Variants in RINT1 observed in about 807,000 individuals in gnomAD.
RINT1 encodes RAD50 interactor 1.
RINT1 carries 75 observed loss-of-function variants against 97.7 expected under a neutral mutation model. The observed-to-expected ratio is 0.77, with a 90% CI of 0.64 to 0.93. The LOEUF is 0.93. Ranked by LOEUF, RINT1 falls within the 40% of genes least tolerant of loss-of-function variation. The pLI, the probability that RINT1 is intolerant of heterozygous loss-of-function variation, is 0.00. For missense variants in RINT1, 892 were observed against 925.2 expected, an observed-to-expected ratio of 0.96 and a Z score of 0.47; for synonymous variants, 303 against 326.3, an observed-to-expected ratio of 0.93 and a Z score of 0.77.
chr7:105,537,865 G>GT lies in RINT1; in HGVS notation c.273+1125dup, dbSNP rs201034501. Among the ~76,000 whole-genome samples the GT allele has an allele frequency of 8.9e-3, 1,338 of 150,892 alleles. 18 individuals carry two copies. The highest frequency in any genetic ancestry group is 0.031 in the African/African-American group (1,263 of 41,138). ...AATATATATTTCTATGTATTTATAG[G>GT]TTTTTTTTTCTTTTACAATGAACAT... On this transcript the variant is annotated intron_variant, in intron 3 of 14. Transcript: ENST00000257700.
Position 105,565,619 on chromosome 7 carries a change from T to C in RINT1, c.2157T>C (p.Tyr719=), listed in dbSNP as rs1791689316. ...TRNLFPLFSH[Y]CKRPENYFKH... is the part of the protein sequence containing the mutation. ...ATCTTTTCCCTTTGTTTTCTCACTA[T>C]TGCAAGAGACCAGAAAATTATTTTA... is the stretch of plus-strand genomic sequence containing the variant. Residue 719 remains tyrosine, a synonymous_variant, in exon 14 of 15, where the codon TAT becomes TAC. Coordinates refer to ENST00000257700, the MANE Select transcript of RINT1 (RefSeq NM_021930.6). 6.2e-7 allele frequency: 1 copy of C among 1,611,894 alleles called. No individual in the cohort carries two copies. Among genetic ancestry groups the C allele is most frequent in the Middle Eastern group, 1.7e-4 (1 of 5,860 alleles).
At chr7:105,535,478 T>A (rs570638281) in intron 2 of RINT1, 2 of 416,644 alleles carry the variant, frequency 4.8e-6, no homozygotes, top group South Asian at 3.6e-5. Flanking sequence ...TCTGCCTGCC[T>A]CAACCTCCCA....
intron 9 of RINT1, 82 bp downstream of exon 9, chr7:105,550,568 C>A: frequency 9.8e-7 from 1 of 1,023,648 alleles, no homozygotes; most frequent in Non-Finnish European, 1.5e-6. Context: ...TTCTCCAGTT[C>A]TAAATAGGAA....
At chr7:105,547,420 C>G (rs1028073156) in intron 6 of RINT1, 87 bp downstream of exon 6, 2 of 1,306,064 alleles carry the variant, frequency 1.5e-6, no homozygotes, top group African/African-American at 3.0e-5. Context: ...TTCAAAGTGG[C>G]CAAGAAAGCC....
chr7:105,544,160 T>A (rs1044852253), intron 4 of RINT1, among the ~76,000 whole-genome samples: 1 of 151,992 alleles, frequency 6.6e-6, no homozygotes, highest in Non-Finnish European at 1.5e-5. Context: ...GTTTTACATA[T>A]AAAGTGGTTT....
intron 2 of RINT1, chr7:105,535,553 T>G: frequency 2.2e-6 from 1 of 454,420 alleles, no homozygotes; most frequent in Non-Finnish European, 4.4e-6. Context: ...TTTTGTTTGT[T>G]TGTTTGTTTG....
intron 9 of RINT1, 50 bp downstream of exon 9, chr7:105,550,536 G>A (rs2133403207): frequency 7.5e-7 from 1 of 1,338,556 alleles, no homozygotes; most frequent in Non-Finnish European, 1.1e-6. Context: ...GTTTCTGTGG[G>A]TATACATTTT....
intron 3 of RINT1, among the ~76,000 whole-genome samples, chr7:105,538,929 T>C (rs1257872357): frequency 2.0e-5 from 3 of 152,300 alleles, no homozygotes; most frequent in Admixed American, 2.0e-4. Flanking sequence ...CCCTTCAGCA[T>C]GTGCACATAG....
At chr7:105,566,278 G>A (rs1388465927) in intron 14 of RINT1, 1 of 151,754 alleles carries the variant, frequency 6.6e-6, no homozygotes, top group Non-Finnish European at 1.5e-5. Flanking sequence ...ATACCTAATA[G>A]GCCAGGCCTG....
intron 10 of RINT1, among the ~76,000 whole-genome samples, chr7:105,552,961 C>T (rs528225418): frequency 7.9e-5 from 12 of 151,670 alleles, no homozygotes; most frequent in African/African-American, 1.5e-4. Context: ...CATGAGCCAC[C>T]GTGCCCAGTC....
chr7:105,538,100 C>G (rs1790318123), intron 3 of RINT1, among the ~76,000 whole-genome samples: 1 of 151,760 alleles, frequency 6.6e-6, no homozygotes, highest in Admixed American at 6.6e-5. Context: ...TCAAGTGATT[C>G]TCCTGCCTCA....
In RINT1 at chr7:105,550,095, A is replaced by T; in HGVS notation, c.1037A>T (p.Asn346Ile). Residue 346 changes from asparagine (N) to isoleucine (I), a missense_variant, in exon 8 of 15, where the codon AAC becomes ATC. Coordinates refer to ENST00000257700, the MANE Select transcript of RINT1 (RefSeq NM_021930.6). Reference sequence around the variant, plus strand: ...GCTCAAGTACTTATGTGGATTGGAAACCATACTGAATTTCTGGATGAGAAG... The same window carrying T: ...GCTCAAGTACTTATGTGGATTGGAATCCATACTGAATTTCTGGATGAGAAG... The part of the protein sequence containing the change: ...YLAQVLMWIG[N>I]HTEFLDEKIQ... 6.2e-7 allele frequency: 1 copy of T among 1,613,832 alleles called. No homozygotes were observed.
At chr7:105,564,293 G>A (rs1223675663) in intron 12 of RINT1, among the ~76,000 whole-genome samples, 2 of 152,146 alleles carry the variant, frequency 1.3e-5, no homozygotes, top group East Asian at 1.9e-4. Flanking sequence ...TCACATTTTG[G>A]GCAGGCTGAT....
At position 105,565,444 on chromosome 7, in the gene RINT1, A is replaced by C; in HGVS notation, c.2054A>C (p.Tyr685Ser). ...ATGCTTGTAGAGAAGCTGGATGTAT[A>C]CATCTACCAAGAAGTAAGTAAGAAT... The part of the protein sequence containing the change: ...WQMLVEKLDV[Y>S]IYQEIILANH... Residue 685 changes from tyrosine to serine, a missense_variant, in exon 13 of 15, where the codon TAC (tyrosine) becomes TCC (serine). Transcript: ENST00000257700. 1 of 1,614,086 alleles carries C rather than the reference A, an allele frequency of 6.2e-7. No individual in the cohort carries two copies. Among genetic ancestry groups the C allele is most frequent in the Non-Finnish European group, 8.5e-7 (1 of 1,179,938 alleles).
chr7:105,543,332 TG>T (rs1230145870), intron 4 of RINT1, among the ~76,000 whole-genome samples: 1 of 152,222 alleles, frequency 6.6e-6, no homozygotes, highest in Non-Finnish European at 1.5e-5. Flanking sequence ...GGATTGCTTT[TG>T]TATAATTTGA....
At chr7:105,537,548 G>A (rs963340461) in intron 3 of RINT1, among the ~76,000 whole-genome samples, 1 of 151,806 alleles carries the variant, frequency 6.6e-6, no homozygotes, top group Non-Finnish European at 1.5e-5. Flanking sequence ...AATATTTTTA[G>A]GCCTGGCACG....
At chr7:105,547,846 G>C (rs1446215228) in intron 6 of RINT1, among the ~76,000 whole-genome samples, 1 of 150,896 alleles carries the variant, frequency 6.6e-6, no homozygotes, top group Non-Finnish European at 1.5e-5. Context: ...TCCTGCCTCA[G>C]CCTCCCGAGT....
In RINT1 at chr7:105,542,396, A is replaced by G. The variant is rs1340298031; in HGVS notation, c.274-12A>G. On this transcript the variant is annotated splice_polypyrimidine_tract_variant and intron_variant, in intron 3 of 14. Coordinates refer to ENST00000257700, the MANE Select transcript of RINT1 (RefSeq NM_021930.6). ...TGTTCTTTCTTTCTTTCTTTTTTAA[A>G]ATTATGGTCAGGTACTTACAATTTC... 2 of 1,548,104 alleles carry G rather than the reference A, an allele frequency of 1.3e-6. No homozygotes were observed. The highest frequency in any genetic ancestry group is 2.3e-5 in the East Asian group (1 of 44,386).
At chr7:105,546,598 G>A (rs1038696145) in intron 4 of RINT1, among the ~76,000 whole-genome samples, 5 of 152,176 alleles carry the variant, frequency 3.3e-5, no homozygotes, top group Admixed American at 6.6e-5. Context: ...TTTCGGCTGG[G>A]CACGGTGACT....
Sources: allele counts gnomAD v4.1 joint callset (sites outside exome capture counted in the v4.1 genomes callset), GRCh38; gene constraint gnomAD v4.1.1; transcripts MANE v1.5; gene names NCBI Gene and HGNC (gene_info 2026-07-23, HGNC 2026-07-21).